Variants in DGKG observed in about 807,000 individuals in gnomAD.
DGKG encodes diacylglycerol kinase gamma, also known as DAG kinase gamma.
In DGKG, 78 loss-of-function variants were observed where a neutral mutation model predicts 105.3. That is an observed-to-expected ratio of 0.74 (90% CI 0.62 to 0.89). The LOEUF is 0.89. Among genes scored for constraint, DGKG ranks in the 40% least tolerant of loss-of-function variants. DGKG has a pLI of 0.00. For synonymous variants in DGKG, 346 were observed against 367.1 expected (o/e 0.94, Z 0.66); for missense variants, 958 against 1,020.1 (o/e 0.94, Z 0.83).
At chr3:186,174,207 G>A (rs1044589117) in intron 22 of DGKG, among the ~76,000 whole-genome samples, 1 of 152,204 alleles carries the variant, frequency 6.6e-6, no homozygotes, top group Non-Finnish European at 1.5e-5. Flanking sequence ...AAGTTTAGAA[G>A]GGATGCCCTC....
At chr3:186,287,348 T>C (rs1723118498) in intron 6 of DGKG, among the ~76,000 whole-genome samples, 1 of 152,226 alleles carries the variant, frequency 6.6e-6, no homozygotes, top group South Asian at 2.1e-4. Context: ...GCCTGGAATT[T>C]GCTTCAAGAT....
chr3:186,329,834 G>A (rs1023955004), intron 1 of DGKG, among the ~76,000 whole-genome samples: 1 of 152,164 alleles, frequency 6.6e-6, no homozygotes, highest in Non-Finnish European at 1.5e-5. Context: ...CTCTCCAGTA[G>A]CACTTTGGGT....
intron 3 of DGKG, among the ~76,000 whole-genome samples, chr3:186,303,372 G>A (rs1724068567): frequency 6.6e-6 from 1 of 152,264 alleles, no homozygotes; most frequent in African/African-American, 2.4e-5. Context: ...CAGGCCAAAG[G>A]AACTCTGTTT....
At chr3:186,188,523 A>C in intron 21 of DGKG, 144 bp from the exon 22 acceptor site, 1 of 824,418 alleles carries the variant, frequency 1.2e-6, no homozygotes, top group Non-Finnish European at 1.9e-6. Flanking sequence ...CCACTGTCAG[A>C]AGAGAAATCA....
chr3:186,346,370 G>A (rs1202298033), intron 1 of DGKG, among the ~76,000 whole-genome samples: 5 of 152,034 alleles, frequency 3.3e-5, no homozygotes, highest in Non-Finnish European at 2.9e-5. Flanking sequence ...CCTCTTATGA[G>A]GATTCTAGTC....
chr3:186,249,091 T>C (rs1446674175), intron 19 of DGKG, among the ~76,000 whole-genome samples: 3 of 152,096 alleles, frequency 2.0e-5, no homozygotes, highest in African/African-American at 4.8e-5. Flanking sequence ...AAGCGGAGCC[T>C]GAACAGCCGG....
In DGKG at chr3:186,210,629, G is replaced by C. The variant is rs755529014; in HGVS notation, c.1917+1166C>G. ...TTTGTGAAAACTCCCTGTGAGTGAG[G>C]AGCACAGGGGCCCTTCCGGCAGGGA... is the stretch of plus-strand genomic sequence containing the variant. On this transcript the variant is annotated intron_variant, in intron 21 of 24. Transcript: ENST00000265022. The surrounding 1 kb of genome is among the most constrained non-coding windows in gnomAD (Gnocchi z 5.2). 6.4e-5 allele frequency: 29 copies of C among 454,316 alleles called. No homozygotes were observed. The highest frequency in any genetic ancestry group is 4.3e-4 in the South Asian group (28 of 64,488). The allele number at this position is 454,316 out of a possible 1,614,324, so 28.1% of individuals were successfully genotyped here.
chr3:186,259,333 C>T (rs985663475), intron 16 of DGKG, among the ~76,000 whole-genome samples: 7 of 152,170 alleles, frequency 4.6e-5, no homozygotes, highest in Non-Finnish European at 1.0e-4. Context: ...TGGGGGGCTG[C>T]TCCGTCACAA....
intron 1 of DGKG, among the ~76,000 whole-genome samples, chr3:186,324,518 A>G (rs1260854757): frequency 4.9e-5 from 3 of 61,090 alleles, no homozygotes; most frequent in African/African-American, 3.7e-4. Flanking sequence ...GATCAGCTGA[A>G]AAAAAAAAAA....
At chr3:186,267,253 G>C (rs1722098028) in intron 13 of DGKG, among the ~76,000 whole-genome samples, 1 of 152,292 alleles carries the variant, frequency 6.6e-6, no homozygotes, top group Non-Finnish European at 1.5e-5. Flanking sequence ...CCTGCAAAAG[G>C]CTTAGAACAA....
At chr3:186,182,218 A>G (rs59636551) in intron 22 of DGKG, among the ~76,000 whole-genome samples, 2,323 of 152,362 alleles carry the variant, frequency 0.015, 63 homozygotes, top group African/African-American at 0.054. Context: ...GCCACAGGCA[A>G]TTTAAAGATA....
At chr3:186,349,409 T>G (rs1286154883) in intron 1 of DGKG, among the ~76,000 whole-genome samples, 1 of 152,230 alleles carries the variant, frequency 6.6e-6, no homozygotes, top group Non-Finnish European at 1.5e-5. Flanking sequence ...CAAAATATTT[T>G]TCATTTCAAA....
chr3:186,168,621 C>T (rs955602265), intron 22 of DGKG, among the ~76,000 whole-genome samples: 3 of 151,938 alleles, frequency 2.0e-5, no homozygotes, highest in African/African-American at 4.8e-5. Flanking sequence ...CTGAGGCAGG[C>T]GGATCATCTG....
intron 20 of DGKG, among the ~76,000 whole-genome samples, chr3:186,227,342 G>C (rs184206620): frequency 4.9e-4 from 75 of 152,292 alleles, no homozygotes; most frequent in African/African-American, 1.7e-3. Context: ...TCAGGCAGTT[G>C]TAATTTCCAT....
chr3:186,276,021 C>A (rs1722573789), intron 9 of DGKG, among the ~76,000 whole-genome samples: 1 of 151,736 alleles, frequency 6.6e-6, no homozygotes, highest in African/African-American at 2.4e-5. Flanking sequence ...TATCTATCTC[C>A]TTTAAATGTT....
chr3:186,285,913 A>G (rs1274272776), intron 6 of DGKG, among the ~76,000 whole-genome samples: 1 of 152,148 alleles, frequency 6.6e-6, no homozygotes, highest in East Asian at 1.9e-4. Flanking sequence ...TCCCGACCTC[A>G]GATGATCCGC....
At chr3:186,232,964 G>C (rs1235295714) in intron 20 of DGKG, among the ~76,000 whole-genome samples, 1 of 152,114 alleles carries the variant, frequency 6.6e-6, no homozygotes, top group Admixed American at 6.5e-5. Context: ...TGATGTGCCC[G>C]ACTCTGTAAT....
chr3:186,253,818 G>A (rs1049429985), intron 17 of DGKG, among the ~76,000 whole-genome samples: 1 of 152,150 alleles, frequency 6.6e-6, no homozygotes, highest in Non-Finnish European at 1.5e-5. Flanking sequence ...GTGGGGCTAG[G>A]ACACTAGGGA....
chr3:186,272,627 T>C (rs188508868), intron 10 of DGKG, among the ~76,000 whole-genome samples: 70 of 152,358 alleles, frequency 4.6e-4, no homozygotes, highest in African/African-American at 1.6e-3. Flanking sequence ...AGGCGCTTTT[T>C]CCTGAAGGGG....
Sources: allele counts gnomAD v4.1 joint callset (sites outside exome capture counted in the v4.1 genomes callset), GRCh38; gene constraint gnomAD v4.1.1; non-coding constraint Gnocchi (gnomAD v3.1); transcripts MANE v1.5; gene names NCBI Gene and HGNC (gene_info 2026-07-23, HGNC 2026-07-21).